RALY: variants seen among roughly 807,000 people sequenced by gnomAD.
RALY encodes the protein RALY heterogeneous nuclear ribonucleoprotein.
RALY carries 15 observed loss-of-function variants against 30.7 expected under a neutral mutation model. The ratio of observed to expected loss-of-function variants is 0.49; its 90% CI spans 0.33 to 0.75. RALY has a LOEUF of 0.75. Among genes scored for constraint, RALY ranks in the 30% least tolerant of loss-of-function variants. The pLI, the probability that RALY is intolerant of heterozygous loss-of-function variation, is 0.02. For synonymous variants in RALY, 177 were observed against 170.8 expected, an observed-to-expected ratio of 1.04 and a Z score of -0.28; for missense variants, 339 against 414.3, an observed-to-expected ratio of 0.82 and a Z score of 1.58.
intron 2 of RALY, among the ~76,000 whole-genome samples, chr20:34,049,776 C>G (rs1444668319): frequency 6.6e-6 from 1 of 152,208 alleles, no homozygotes; most frequent in African/African-American, 2.4e-5. Flanking sequence ...GAGGCTTGTT[C>G]ATAGTTTCAC....
At chr20:34,036,352 C>T (rs764490543) in intron 2 of RALY, among the ~76,000 whole-genome samples, 2 of 152,158 alleles carry the variant, frequency 1.3e-5, no homozygotes, top group Non-Finnish European at 2.9e-5. Flanking sequence ...ATTTTATGGT[C>T]TTTGTTCTTT....
intron 1 of RALY, among the ~76,000 whole-genome samples, chr20:34,029,336 C>CT (rs111568632): frequency 4.6e-5 from 7 of 152,168 alleles, no homozygotes; most frequent in South Asian, 2.1e-4. Context: ...ACTCAGGAGA[C>CT]TGAGGCAGGA....
chr20:34,037,999 C>T (rs1026142806), intron 2 of RALY, among the ~76,000 whole-genome samples: 2 of 152,108 alleles, frequency 1.3e-5, no homozygotes, highest in Non-Finnish European at 2.9e-5. Flanking sequence ...AGGATTTTGG[C>T]CATATTTTAT....
At chr20:34,067,625 T>C (rs2033611467) in intron 2 of RALY, among the ~76,000 whole-genome samples, 1 of 152,190 alleles carries the variant, frequency 6.6e-6, no homozygotes, top group Admixed American at 6.5e-5. Flanking sequence ...CTTCTACTCT[T>C]ACTAGCCTGG....
rs1178428676 is a variant in RALY, at chr20:34,057,312, A to G, written c.-9-14754A>G. ...AGATGATTTCATATGGTAATTTCAT[A>G]TAATAAACATACTCAATATAATAGC... On this transcript the variant is annotated intron_variant, in intron 2 of 9. Coordinates refer to ENST00000246194, the MANE Select transcript of RALY (RefSeq NM_016732.3). Among the ~76,000 whole-genome samples the G allele has an allele frequency of 3.9e-5, 6 of 152,346 alleles. No homozygotes were observed. In the South Asian group the frequency reaches 1.2e-3, roughly 32 times the overall value.
intron 1 of RALY, among the ~76,000 whole-genome samples, chr20:34,029,449 A>T (rs1230247381): frequency 7.6e-6 from 1 of 131,846 alleles, no homozygotes; most frequent in African/African-American, 2.9e-5. Context: ...AAACATAAAG[A>T]AAGGAAGAAA....
chr20:34,028,650 G>A (rs1189015846), intron 1 of RALY, among the ~76,000 whole-genome samples: 8 of 132,856 alleles, frequency 6.0e-5, no homozygotes, highest in African/African-American at 2.3e-4. Flanking sequence ...CTTGCAGTGA[G>A]CCTAGATCGT....
At chr20:34,014,465 G>A (rs186924342) in intron 1 of RALY, among the ~76,000 whole-genome samples, 5 of 152,054 alleles carry the variant, frequency 3.3e-5, no homozygotes, top group Admixed American at 6.5e-5. Flanking sequence ...TTAAAGTGGT[G>A]GATTATGTAT....
At chr20:34,050,814 C>T (rs1036002712) in intron 2 of RALY, among the ~76,000 whole-genome samples, 2 of 152,186 alleles carry the variant, frequency 1.3e-5, no homozygotes, top group African/African-American at 4.8e-5. Flanking sequence ...GCCCCACAGC[C>T]AGTATGCTAT....
At chr20:34,006,388 G>GT (rs1248938602) in intron 1 of RALY, among the ~76,000 whole-genome samples, 1 of 152,204 alleles carries the variant, frequency 6.6e-6, no homozygotes, top group Admixed American at 6.5e-5. Context: ...TTTATAAAGT[G>GT]TAACAGTTCC....
chr20:34,067,278 C>T (rs1274952095), intron 2 of RALY, among the ~76,000 whole-genome samples: 2 of 152,110 alleles, frequency 1.3e-5, no homozygotes, highest in African/African-American at 4.8e-5. Context: ...GTTCTCCTGC[C>T]TCAGCCTCCC....
At chr20:34,074,178 G>A (rs1476166975) in intron 5 of RALY, among the ~76,000 whole-genome samples, 5 of 152,190 alleles carry the variant, frequency 3.3e-5, no homozygotes, top group Admixed American at 3.3e-4. Context: ...TACACAACAG[G>A]GTACAGCGCT....
At chr20:34,048,085 A>C (rs2032945843) in intron 2 of RALY, among the ~76,000 whole-genome samples, 1 of 152,232 alleles carries the variant, frequency 6.6e-6, no homozygotes, top group Non-Finnish European at 1.5e-5. Context: ...GCAGCTGCTG[A>C]TGAACAAAAG....
At chr20:34,031,448 G>T (rs1373123885) in intron 1 of RALY, 74 bp from the exon 2 acceptor site, 1 of 152,144 alleles carries the variant, frequency 6.6e-6, no homozygotes, top group Non-Finnish European at 1.5e-5. Context: ...TGCAAAATGT[G>T]TGAGGGCAGG....
chr20:34,037,479 C>G (rs1344753388), intron 2 of RALY, among the ~76,000 whole-genome samples: 1 of 152,184 alleles, frequency 6.6e-6, no homozygotes, highest in Non-Finnish European at 1.5e-5. Context: ...TTGCCTGTTA[C>G]AACTGAAATT....
chr20:34,069,985 G>T (rs1450165407), intron 2 of RALY, among the ~76,000 whole-genome samples: 1 of 152,118 alleles, frequency 6.6e-6, no homozygotes, highest in Non-Finnish European at 1.5e-5. Flanking sequence ...CCCAAGTTGG[G>T]CTCACGTCCA....
intron 2 of RALY, among the ~76,000 whole-genome samples, chr20:34,060,600 A>G (rs191674783): frequency 1.3e-5 from 2 of 152,328 alleles, no homozygotes; most frequent in Non-Finnish European, 2.9e-5. Flanking sequence ...ACACTTCCCA[A>G]AAGGTCATGT....
intron 8 of RALY, 90 bp downstream of exon 8, chr20:34,077,335 C>G: frequency 6.4e-7 from 1 of 1,570,044 alleles, no homozygotes; most frequent in Non-Finnish European, 8.6e-7. Context: ...GAGCTGGTTG[C>G]CCCCACTGTG....
chr20:34,054,495 A>T (rs779959675), intron 2 of RALY, among the ~76,000 whole-genome samples: 1 of 152,224 alleles, frequency 6.6e-6, no homozygotes, highest in Admixed American at 6.5e-5. Context: ...GTTTGTACTC[A>T]GAAAACTCCT....
Sources: gnomAD v4.1 joint callset for allele counts (sites outside exome capture counted in the v4.1 genomes callset) on GRCh38, gnomAD v4.1.1 for gene constraint, MANE v1.5 for transcripts, NCBI Gene and HGNC (gene_info 2026-07-23, HGNC 2026-07-21) for gene names.